The following ERLEC1 variants were observed in gnomAD, a reference collection of about 807,000 sequenced individuals.
The protein encoded by ERLEC1 is endoplasmic reticulum lectin 1, also known as ER lectin.
In ERLEC1, 47 loss-of-function variants were observed where a neutral mutation model predicts 68.0. The ratio of observed to expected loss-of-function variants is 0.69; its 90% confidence interval spans 0.55 to 0.88. The LOEUF is 0.88. ERLEC1 is among the 40% of genes least tolerant of loss of function. The pLI, the probability that ERLEC1 is intolerant of heterozygous loss-of-function variation, is 0.00. For synonymous variants in ERLEC1, 225 were observed against 203.2 expected (o/e 1.11, Z -0.91); for missense variants, 567 against 583.8 (o/e 0.97, Z 0.30).
chr2:53,796,287 A>T (rs1573072531), intron 3 of ERLEC1, among the ~76,000 whole-genome samples: 2 of 134,172 alleles, frequency 1.5e-5, no homozygotes, highest in African/African-American at 2.8e-5. Context: ...CCCTCCTCCC[A>T]TTCTTTACCT....
intron 1 of ERLEC1, among the ~76,000 whole-genome samples, chr2:53,793,832 T>G (rs1322075773): frequency 6.6e-6 from 1 of 152,172 alleles, no homozygotes; most frequent in Non-Finnish European, 1.5e-5. Flanking sequence ...ATTTTGTAAT[T>G]AATAAATATG....
rs1457922190 is a variant in ERLEC1, at chr2:53,787,068, G to A, written c.-143G>A. 10 of 1,193,410 alleles carry A rather than the reference G, an allele frequency of 8.4e-6. No homozygotes were observed. Among genetic ancestry groups the A allele is most frequent in the Non-Finnish European group, 1.0e-5 (9 of 892,262 alleles). 73.9% of individuals were successfully genotyped at this position (1,193,410 alleles called of 1,614,324 possible). A position where few individuals can be genotyped will look rare whatever the true frequency, so the allele number is the denominator to read the frequency against. On this transcript the variant is annotated 5_prime_UTR_variant, in exon 1 of 14. Transcript: ENST00000185150. ...CGGAGGCGGCGTTGCCGGGCTCTCCGGAAGGAGACGTGGCGGCGGTTGGGC... is the reference window on the plus strand; with the variant it reads ...CGGAGGCGGCGTTGCCGGGCTCTCCAGAAGGAGACGTGGCGGCGGTTGGGC...
intron 10 of ERLEC1, 38 bp from the exon 11 acceptor site, chr2:53,812,911 T>C (rs1676666353): frequency 2.5e-6 from 4 of 1,598,030 alleles, no homozygotes; most frequent in South Asian, 2.3e-5. Context: ...CTTGATGATA[T>C]CAAGCACGCA....
rs1021412357 is a variant in ERLEC1 at position 53,797,433 on chromosome 2, G to T, written c.349-82G>T. 7 of 970,684 alleles carry T rather than the reference G, an allele frequency of 7.2e-6. No individual in the cohort carries two copies. In the African/African-American group the frequency reaches 1.1e-4, roughly 16 times the overall value. The allele number at this position is 970,684 out of a possible 1,614,324, so 60.1% of individuals were successfully genotyped here. ...AGCTTACTCTGAAATCTTAGGGGAA[G>T]TCTCAGCTGCTTCAAATATCAGAAA... On this transcript the variant is annotated intron_variant, in intron 3 of 13. Transcript: ENST00000185150.
intron 8 of ERLEC1, among the ~76,000 whole-genome samples, chr2:53,807,795 T>G (rs1010477159): frequency 2.0e-5 from 3 of 151,766 alleles, no homozygotes; most frequent in Non-Finnish European, 1.5e-5. Flanking sequence ...TTACTTGAGG[T>G]CAGTATGAGA....
intron 1 of ERLEC1, chr2:53,787,621 A>T (rs1675126497): frequency 5.0e-6 from 2 of 397,330 alleles, no homozygotes; most frequent in South Asian, 1.9e-4. Context: ...CTGTCGCACT[A>T]GACCTTGCTT....
chr2:53,817,543 C>T (rs1430603116), intron 13 of ERLEC1, among the ~76,000 whole-genome samples: 4 of 151,954 alleles, frequency 2.6e-5, no homozygotes, highest in African/African-American at 9.7e-5. Context: ...ACATCTGTTC[C>T]ATCTTTGGGT....
chr2:53,798,672 T>C (rs1337011177), intron 5 of ERLEC1, among the ~76,000 whole-genome samples: 2 of 151,636 alleles, frequency 1.3e-5, no homozygotes, highest in Non-Finnish European at 2.9e-5. Context: ...GTTAGTCTTC[T>C]GCTTGGCTTA....
chr2:53,813,511 C>T (rs1474686647), intron 11 of ERLEC1, among the ~76,000 whole-genome samples: 5 of 152,180 alleles, frequency 3.3e-5, no homozygotes, highest in African/African-American at 1.2e-4. Flanking sequence ...TGGCTCAATT[C>T]TGTCAGAACT....
intron 1 of ERLEC1, 105 bp downstream of exon 1, chr2:53,787,477 G>C: frequency 7.4e-7 from 1 of 1,360,400 alleles, no homozygotes. Context: ...CTTCTCTGCA[G>C]ACTCTTACCT....
Position 53,787,122 on chromosome 2 carries a change from G to GGCC in ERLEC1, c.-89_-88insGCC. ...TGATACCCGGGCGCTTTATAGTCCC[G>GGCC]CCGCCTCCTCCTCCACCTCCTCCTC... On this transcript the variant is annotated 5_prime_UTR_variant, in exon 1 of 14. Transcript: ENST00000185150. 1.3e-5 allele frequency: 18 copies of GGCC among 1,359,752 alleles called. No individual in the cohort carries two copies. The highest frequency in any genetic ancestry group is 1.6e-5 in the Non-Finnish European group (17 of 1,042,408). The allele number at this position is 1,359,752 out of a possible 1,614,324, so 84.2% of individuals were successfully genotyped here.
Position 53,796,021 on chromosome 2 carries a change from T to C in ERLEC1, c.348+8T>C, listed in dbSNP as rs771849492. Reference sequence around the variant, plus strand: ...AGCAGTTGTTCCTACAGAGTATGTATTTTATGTTTACTTGATGACTAGAAA... The same window carrying C: ...AGCAGTTGTTCCTACAGAGTATGTACTTTATGTTTACTTGATGACTAGAAA... On this transcript the variant is annotated splice_region_variant and intron_variant, in intron 3 of 13. Coordinates refer to ENST00000185150, the MANE Select transcript of ERLEC1 (RefSeq NM_015701.5). 6.4e-7 allele frequency: 1 copy of C among 1,566,030 alleles called. No homozygotes were observed.
At chr2:53,806,772 G>C (rs1676316785) in intron 8 of ERLEC1, among the ~76,000 whole-genome samples, 1 of 152,136 alleles carries the variant, frequency 6.6e-6, no homozygotes, top group East Asian at 1.9e-4. Flanking sequence ...ATATTTATTG[G>C]AAACCCATAT....
intron 1 of ERLEC1, among the ~76,000 whole-genome samples, chr2:53,790,027 A>G (rs190273269): frequency 5.0e-4 from 75 of 151,416 alleles, no homozygotes; most frequent in East Asian, 7.8e-4. Flanking sequence ...AAAAAAAAAA[A>G]AAAAGAAAAG....
rs1676985894 is a variant in ERLEC1, at chr2:53,817,886, GTTC to G, written c.1381-6_1381-4del. The G allele has an allele frequency of 1.3e-6, 2 of 1,588,354 alleles. No individual in the cohort carries two copies. The highest frequency in any genetic ancestry group is 8.6e-7 in the Non-Finnish European group (1 of 1,157,266). On this transcript the variant is annotated splice_polypyrimidine_tract_variant and intron_variant, in intron 13 of 13. Transcript: ENST00000185150. ...TTAGCAACTTTTTAATGGCTTTGTT[GTTC>G]TTCTTTAGGTTGAATCTCCAGTGAT...
intron 5 of ERLEC1, among the ~76,000 whole-genome samples, chr2:53,798,119 C>T (rs948527728): frequency 5.3e-5 from 8 of 152,104 alleles, no homozygotes; most frequent in African/African-American, 9.7e-5. Flanking sequence ...GGCATGAACA[C>T]AGGAGGCGGA....
chr2:53,803,424 C>A (rs1293280646), intron 8 of ERLEC1, among the ~76,000 whole-genome samples: 3 of 152,166 alleles, frequency 2.0e-5, no homozygotes, highest in Non-Finnish European at 2.9e-5. Flanking sequence ...TAAATCCCAG[C>A]TTTCGTTACT....
intron 3 of ERLEC1, among the ~76,000 whole-genome samples, chr2:53,796,639 G>A (rs925262060): frequency 2.0e-5 from 3 of 151,724 alleles, no homozygotes; most frequent in African/African-American, 7.3e-5. Context: ...ATAAAAATGA[G>A]GTTTTTCACA....
intron 2 of ERLEC1, among the ~76,000 whole-genome samples, chr2:53,794,682 G>A (rs1573069105): frequency 6.6e-6 from 1 of 152,152 alleles, no homozygotes; most frequent in Admixed American, 6.5e-5. Flanking sequence ...TTGAGACGAA[G>A]TCTCACTCTA....
Sources: gnomAD v4.1 joint callset for allele counts (sites outside exome capture counted in the v4.1 genomes callset) on GRCh38, gnomAD v4.1.1 for gene constraint, MANE v1.5 for transcripts, NCBI Gene and HGNC (gene_info 2026-07-23, HGNC 2026-07-21) for gene names.